MCC: variants seen among roughly 807,000 people sequenced by gnomAD.
The protein encoded by MCC is MCC regulator of Wnt signaling pathway, also known as colorectal mutant cancer protein.
In MCC, 90 loss-of-function variants were observed where a neutral mutation model predicts 116.2. The observed-to-expected ratio is 0.77, with a 90% CI of 0.65 to 0.92. The LOEUF (loss-of-function observed/expected upper bound fraction) is 0.92. Ranked by LOEUF, MCC falls within the 40% of genes least tolerant of loss-of-function variation. The pLI is 0.00. For synonymous variants in MCC, 578 were observed against 510.5 expected (o/e 1.13, Z -1.78); for missense variants, 1,516 against 1,312.2 (o/e 1.16, Z -2.40).
At position 113,143,334 on chromosome 5, in the gene MCC, C is replaced by T. The variant is rs745379302; in HGVS notation, c.768G>A (p.Glu256=). The change falls in exon 5 of 19, where the codon GAG becomes GAA. Residue 256 remains glutamate (E), a synonymous_variant. Transcript: ENST00000408903. Reference sequence around the variant, plus strand: ...TCGTTCGCTCCTGGACATCCTCATGCTCTCTCATGAGGTGGGACTGCTCGC... The same window carrying T: ...TCGTTCGCTCCTGGACATCCTCATGTTCTCTCATGAGGTGGGACTGCTCGC... The part of the protein sequence containing the change: ...AQCEQSHLMR[E]HEDVQERTTL... The T allele has an allele frequency of 1.9e-5, 30 of 1,613,476 alleles. No homozygotes were observed.
chr5:113,029,193 G>C (rs1750785947), intron 17 of MCC, 137 bp from the exon 18 acceptor site: 2 of 700,672 alleles, frequency 2.9e-6, no homozygotes, highest in African/African-American at 1.8e-5. Flanking sequence ...AGATACTAAA[G>C]GGCCCAACAG....
At chr5:113,173,813 T>A (rs2150305030) in intron 3 of MCC, among the ~76,000 whole-genome samples, 1 of 152,322 alleles carries the variant, frequency 6.6e-6, no homozygotes, top group African/African-American at 2.4e-5. Context: ...TTATTTAGTA[T>A]TTCAAACCCC....
chr5:113,067,254 T>C (rs921954423), intron 13 of MCC, among the ~76,000 whole-genome samples: 1 of 151,976 alleles, frequency 6.6e-6, no homozygotes, highest in Admixed American at 6.6e-5. Context: ...GAAAGCGAGG[T>C]GGGCGAGCAT....
intron 2 of MCC, among the ~76,000 whole-genome samples, chr5:113,365,679 A>C (rs148987779): frequency 6.6e-6 from 1 of 152,310 alleles, no homozygotes; most frequent in Non-Finnish European, 1.5e-5. Flanking sequence ...GTAATTTATA[A>C]AGAAAAGAGG....
chr5:113,041,254 C>T (rs1002364793), intron 17 of MCC, among the ~76,000 whole-genome samples: 2 of 152,132 alleles, frequency 1.3e-5, no homozygotes, highest in Admixed American at 1.3e-4. Context: ...TAAACAGGCC[C>T]GCTGGATCAA....
At chr5:113,285,015 C>A (rs1052964893) in intron 3 of MCC, among the ~76,000 whole-genome samples, 18 of 152,230 alleles carry the variant, frequency 1.2e-4, no homozygotes, top group Non-Finnish European at 1.2e-4. Context: ...ATTTTCAAAT[C>A]ATTCTTGGCC....
chr5:113,464,703 AC>A (rs2150427301), intron 1 of MCC, among the ~76,000 whole-genome samples: 1 of 152,310 alleles, frequency 6.6e-6, no homozygotes, highest in Admixed American at 6.5e-5. Flanking sequence ...TAGAAGAGTC[AC>A]TAGTACATAG....
intron 7 of MCC, among the ~76,000 whole-genome samples, chr5:113,103,963 G>A (rs538502614): frequency 3.3e-5 from 5 of 152,088 alleles, no homozygotes; most frequent in Admixed American, 6.6e-5. Context: ...CCTTTTTACC[G>A]CAAAGCCAGT....
intron 4 of MCC, among the ~76,000 whole-genome samples, chr5:113,146,143 T>C (rs1393948322): frequency 1.3e-5 from 2 of 152,168 alleles, no homozygotes; most frequent in Non-Finnish European, 2.9e-5. Context: ...TACAATGTAG[T>C]ACTATAATGT....
chr5:113,141,576 C>A (rs1390543407), intron 5 of MCC, among the ~76,000 whole-genome samples: 1 of 152,148 alleles, frequency 6.6e-6, no homozygotes, highest in African/African-American at 2.4e-5. Context: ...ACAAGGAGAG[C>A]CTTTGTCTCA....
intron 6 of MCC, among the ~76,000 whole-genome samples, chr5:113,113,476 G>A (rs551141555): frequency 1.3e-5 from 2 of 152,166 alleles, no homozygotes; most frequent in East Asian, 1.9e-4. Flanking sequence ...ATCCACAGAG[G>A]TTACCCCTTG....
At chr5:113,101,277 C>A (rs1435118868) in intron 8 of MCC, among the ~76,000 whole-genome samples, 1 of 151,758 alleles carries the variant, frequency 6.6e-6, no homozygotes, top group African/African-American at 2.4e-5. Flanking sequence ...AGTAAGTCTG[C>A]ACCAGGAGAG....
chr5:113,268,535 T>A (rs1447729343), intron 3 of MCC, among the ~76,000 whole-genome samples: 3 of 152,062 alleles, frequency 2.0e-5, no homozygotes, highest in African/African-American at 7.2e-5. Flanking sequence ...CCAGTAAGGG[T>A]CAAAAGGTAG....
intron 3 of MCC, chr5:113,294,353 G>A (rs1478696803): frequency 1.9e-6 from 3 of 1,613,750 alleles, no homozygotes; most frequent in Non-Finnish European, 2.5e-6. Flanking sequence ...CCGAGGAGTC[G>A]TTTCCATATT....
chr5:113,033,770 CTG>C (rs1406505432), intron 17 of MCC, among the ~76,000 whole-genome samples: 4 of 152,202 alleles, frequency 2.6e-5, no homozygotes, highest in Non-Finnish European at 5.9e-5. Context: ...ATTGTAATGA[CTG>C]TGACAACTGA....
chr5:113,274,624 G>A (rs1047182998), intron 3 of MCC, among the ~76,000 whole-genome samples: 7 of 152,140 alleles, frequency 4.6e-5, no homozygotes, highest in Non-Finnish European at 1.0e-4. Flanking sequence ...GTCTCCCAAA[G>A]TGCCAGGATT....
chr5:113,206,152 C>G (rs1018168673), intron 3 of MCC, among the ~76,000 whole-genome samples: 6 of 152,294 alleles, frequency 3.9e-5, no homozygotes, highest in East Asian at 1.9e-4. Flanking sequence ...ATTTTACATA[C>G]AGGAAAACTG....
intron 2 of MCC, among the ~76,000 whole-genome samples, chr5:113,367,782 T>G (rs1292723066): frequency 6.6e-6 from 1 of 152,006 alleles, no homozygotes; most frequent in East Asian, 1.9e-4. Context: ...GTAGGGCATA[T>G]AGGTCAGCAT....
chr5:113,438,790 T>C (rs895215040), intron 1 of MCC, among the ~76,000 whole-genome samples: 1 of 152,168 alleles, frequency 6.6e-6, no homozygotes, highest in African/African-American at 2.4e-5. Context: ...TTCTAAAAAT[T>C]TGTTATTTAG....
Sources: allele counts gnomAD v4.1 joint callset (sites outside exome capture counted in the v4.1 genomes callset), GRCh38; gene constraint gnomAD v4.1.1; transcripts MANE v1.5; gene names NCBI Gene and HGNC (gene_info 2026-07-23, HGNC 2026-07-21).